Variants in SPAG16 observed in about 807,000 individuals in gnomAD.
SPAG16 encodes the protein sperm associated antigen 16.
A neutral mutation model predicts 80.4 loss-of-function variants in SPAG16; 86 were observed. The observed-to-expected ratio is 1.07, with a 90% CI of 0.90 to 1.28. The LOEUF (loss-of-function observed/expected upper bound fraction) is 1.28, where lower values mean the gene tolerates loss of function less well. Among genes scored for constraint, SPAG16 ranks in the 50% most tolerant of loss-of-function variants. The pLI is 0.00. For synonymous variants in SPAG16, 294 were observed against 265.9 expected, an observed-to-expected ratio of 1.11 and a Z score of -1.03; for missense variants, 870 against 765.3, an observed-to-expected ratio of 1.14 and a Z score of -1.61.
intron 12 of SPAG16, among the ~76,000 whole-genome samples, chr2:213,938,137 T>C (rs1219470568): frequency 6.6e-6 from 1 of 151,946 alleles, no homozygotes; most frequent in Non-Finnish European, 1.5e-5. Context: ...ACATGATACA[T>C]TTCTGCTTTA....
intron 15 of SPAG16, among the ~76,000 whole-genome samples, chr2:214,300,232 T>G (rs796826107): frequency 1.3e-5 from 2 of 152,294 alleles, no homozygotes; most frequent in African/African-American, 4.8e-5. Flanking sequence ...AATTGCTTAT[T>G]TGTAACAATT....
At chr2:213,747,388 G>A (rs1034543535) in intron 10 of SPAG16, among the ~76,000 whole-genome samples, 1 of 152,276 alleles carries the variant, frequency 6.6e-6, no homozygotes, top group East Asian at 1.9e-4. Context: ...AGTAGCCTAA[G>A]TGTACAGTGT....
intron 15 of SPAG16, among the ~76,000 whole-genome samples, chr2:214,175,081 T>G (rs2057023426): frequency 6.6e-6 from 1 of 151,330 alleles, no homozygotes; most frequent in Non-Finnish European, 1.5e-5. Flanking sequence ...ATTCTTGGGT[T>G]GCAGTCAACA....
At chr2:214,123,928 G>A (rs915381805) in intron 14 of SPAG16, among the ~76,000 whole-genome samples, 4 of 152,032 alleles carry the variant, frequency 2.6e-5, no homozygotes. Context: ...GATTGGTAAT[G>A]TCACCTATAC....
chr2:213,920,469 T>G (rs115975361), intron 11 of SPAG16, among the ~76,000 whole-genome samples: 1 of 152,094 alleles, frequency 6.6e-6, no homozygotes, highest in Admixed American at 6.5e-5. Flanking sequence ...GTTGGCAATG[T>G]GATATATGTG....
chr2:214,030,700 A>G (rs577263272), intron 13 of SPAG16, among the ~76,000 whole-genome samples: 2 of 152,314 alleles, frequency 1.3e-5, no homozygotes, highest in South Asian at 4.1e-4. Flanking sequence ...TTTGATTCCA[A>G]AATAAACCTA....
chr2:214,114,053 T>C (rs556702711), intron 14 of SPAG16, among the ~76,000 whole-genome samples: 1 of 152,150 alleles, frequency 6.6e-6, no homozygotes, highest in African/African-American at 2.4e-5. Context: ...TCCTTTCTGT[T>C]TGTTATTTTT....
chr2:213,942,143 C>T lies in SPAG16; in HGVS notation c.1400+11998C>T, dbSNP rs574462452. On this transcript the variant is annotated intron_variant, in intron 12 of 15. Coordinates refer to ENST00000331683, the MANE Select transcript of SPAG16 (RefSeq NM_024532.5). ...TCAATTTCTTGCCCCTCTCTTCTTC[C>T]ACATTTCTTGCCTGTCAAAACCCCA... Among the ~76,000 whole-genome samples the T allele has an allele frequency of 2.0e-5, 3 of 152,210 alleles. No individual in the cohort carries two copies. In the East Asian group the frequency reaches 5.8e-4, roughly 29 times the overall value.
At chr2:213,525,848 T>C (rs554990327) in intron 10 of SPAG16, among the ~76,000 whole-genome samples, 7 of 152,264 alleles carry the variant, frequency 4.6e-5, no homozygotes, top group Non-Finnish European at 7.4e-5. Flanking sequence ...GATGTAGATA[T>C]ACATATCTAT....
intron 12 of SPAG16, among the ~76,000 whole-genome samples, chr2:213,941,622 A>T (rs1471041270): frequency 1.3e-5 from 2 of 152,076 alleles, no homozygotes; most frequent in African/African-American, 2.4e-5. Context: ...TAATATCTTA[A>T]CTAATAACTT....
At chr2:213,406,393 T>A (rs988300226) in intron 9 of SPAG16, among the ~76,000 whole-genome samples, 1 of 152,358 alleles carries the variant, frequency 6.6e-6, no homozygotes, top group East Asian at 1.9e-4. Flanking sequence ...TTTCACTTGA[T>A]TCTAAATTGC....
intron 13 of SPAG16, among the ~76,000 whole-genome samples, chr2:214,052,939 T>G (rs2049737255): frequency 6.6e-6 from 1 of 152,224 alleles, no homozygotes; most frequent in East Asian, 1.9e-4. Context: ...TGAAAACGTC[T>G]TCTCTAGAAA....
At chr2:214,341,951 G>A (rs1037430897) in intron 15 of SPAG16, among the ~76,000 whole-genome samples, 10 of 152,072 alleles carry the variant, frequency 6.6e-5, no homozygotes, top group South Asian at 2.1e-4. Context: ...AAAAAGCACC[G>A]TTAACAGAAG....
intron 15 of SPAG16, among the ~76,000 whole-genome samples, chr2:214,360,928 T>C (rs906476216): frequency 1.3e-5 from 2 of 151,816 alleles, no homozygotes; most frequent in Non-Finnish European, 2.9e-5. Flanking sequence ...AAATGATTTT[T>C]AGGGGAAATG....
chr2:213,563,739 T>G (rs969156073), intron 10 of SPAG16, among the ~76,000 whole-genome samples: 3 of 152,200 alleles, frequency 2.0e-5, no homozygotes, highest in African/African-American at 7.2e-5. Context: ...CAGTATATGG[T>G]CTTTGTTTTT....
At chr2:214,258,668 C>T (rs991122410) in intron 15 of SPAG16, among the ~76,000 whole-genome samples, 13 of 151,712 alleles carry the variant, frequency 8.6e-5, no homozygotes, top group African/African-American at 2.7e-4. Context: ...CCAGTAGATA[C>T]CTTAATATTG....
chr2:214,171,339 A>G (rs2056861625), intron 15 of SPAG16, among the ~76,000 whole-genome samples: 1 of 151,922 alleles, frequency 6.6e-6, no homozygotes, highest in African/African-American at 2.4e-5. Context: ...TAGACTGTCA[A>G]AGCTCTCCTT....
chr2:214,199,328 CA>C (rs1343252830), intron 15 of SPAG16, among the ~76,000 whole-genome samples: 1 of 152,074 alleles, frequency 6.6e-6, no homozygotes, highest in East Asian at 1.9e-4. Context: ...ATGTGTTTGT[CA>C]GTTTTCCCAG....
At chr2:213,456,297 C>T (rs2072007368) in intron 9 of SPAG16, among the ~76,000 whole-genome samples, 1 of 152,126 alleles carries the variant, frequency 6.6e-6, no homozygotes, top group African/African-American at 2.4e-5. Flanking sequence ...TTATCTTTCA[C>T]TTCATTTTTG....
Sources: allele counts gnomAD v4.1 joint callset (sites outside exome capture counted in the v4.1 genomes callset), GRCh38; gene constraint gnomAD v4.1.1; transcripts MANE v1.5; gene names NCBI Gene and HGNC (gene_info 2026-07-23, HGNC 2026-07-21).